Variants in EXT1 observed in about 807,000 individuals in gnomAD.
EXT1 encodes exostosin-1.
EXT1 carries 20 observed loss-of-function variants against 82.5 expected under a neutral mutation model. The ratio of observed to expected loss-of-function variants is 0.24; its 90% CI spans 0.17 to 0.35. The LOEUF is 0.35. Among genes scored for constraint, EXT1 ranks in the 10% least tolerant of loss-of-function variants. The probability of loss-of-function intolerance (pLI) is 1.00; values close to 1 mark genes in which losing one functional copy is unlikely to be tolerated. For missense variants in EXT1, 757 were observed against 936.5 expected (o/e 0.81, Z 2.50); for synonymous variants, 348 against 350.8 (o/e 0.99, Z 0.09).
intron 1 of EXT1, among the ~76,000 whole-genome samples, chr8:117,874,465 A>G (rs1367642831): frequency 6.6e-6 from 1 of 151,286 alleles, no homozygotes; most frequent in Non-Finnish European, 1.5e-5. Context: ...AATCCCAGCT[A>G]CTTGGGAGGC....
chr8:117,811,533 C>T (rs1379670371), intron 8 of EXT1, among the ~76,000 whole-genome samples: 1 of 152,032 alleles, frequency 6.6e-6, no homozygotes, highest in Non-Finnish European at 1.5e-5. Flanking sequence ...AGGTCCAGGA[C>T]ATTTTGTCCT....
intron 1 of EXT1, among the ~76,000 whole-genome samples, chr8:118,065,545 T>C (rs796376085): frequency 5.6e-4 from 85 of 152,320 alleles, no homozygotes; most frequent in African/African-American, 2.0e-3. Flanking sequence ...ATCAGAAATA[T>C]TTAAAAGTTT....
At position 117,980,851 on chromosome 8, in the gene EXT1, C is replaced by T. The variant is rs945683772; in HGVS notation, c.962+129234G>A. Among the ~76,000 whole-genome samples the T allele has an allele frequency of 4.6e-5, 7 of 152,180 alleles. No individual in the cohort carries two copies. In the South Asian group the frequency reaches 6.2e-4, roughly 14 times the overall value. On this transcript the variant is annotated intron_variant, in intron 1 of 10. Transcript: ENST00000378204. ...AACAAAAAGGCCAAGCCGCAGTCCC[C>T]GGCCACCAGGACAAACACACACTCC...
At chr8:118,039,393 C>T (rs1816485311) in intron 1 of EXT1, among the ~76,000 whole-genome samples, 1 of 151,944 alleles carries the variant, frequency 6.6e-6, no homozygotes, top group Non-Finnish European at 1.5e-5. Context: ...AACCCCGTCT[C>T]TACTAAAAAT....
chr8:118,078,122 C>T (rs1817243070), intron 1 of EXT1, among the ~76,000 whole-genome samples: 1 of 152,134 alleles, frequency 6.6e-6, no homozygotes. Flanking sequence ...CCTTTTCCAA[C>T]TCCTTTTTTA....
intron 1 of EXT1, among the ~76,000 whole-genome samples, chr8:118,102,333 C>A (rs1006383946): frequency 6.7e-6 from 1 of 150,240 alleles, no homozygotes; most frequent in African/African-American, 2.5e-5. Flanking sequence ...TCTGGTCCAA[C>A]CATGGGTTAG....
At chr8:118,051,771 C>T (rs1195275788) in intron 1 of EXT1, among the ~76,000 whole-genome samples, 5 of 152,002 alleles carry the variant, frequency 3.3e-5, no homozygotes, top group Admixed American at 1.3e-4. Context: ...CTAACAATAT[C>T]GTAAGATCAA....
At chr8:117,814,236 T>TGTGTGTGTGG (rs1811751678) in intron 7 of EXT1, among the ~76,000 whole-genome samples, 1 of 105,982 alleles carries the variant, frequency 9.4e-6, no homozygotes, top group Non-Finnish European at 1.9e-5. Context: ...CACACAGTGG[T>TGTGTGTGTGG]GTGTGTGTGT....
intron 1 of EXT1, among the ~76,000 whole-genome samples, chr8:117,933,439 T>G (rs1220227636): frequency 6.6e-6 from 1 of 151,916 alleles, no homozygotes; most frequent in Non-Finnish European, 1.5e-5. Flanking sequence ...AGAAACGGGG[T>G]TTCACCATGT....
At chr8:117,886,520 G>A (rs1200112890) in intron 1 of EXT1, among the ~76,000 whole-genome samples, 1 of 152,222 alleles carries the variant, frequency 6.6e-6, no homozygotes, top group Admixed American at 6.5e-5. Flanking sequence ...TGTTGACTTA[G>A]TAAATAGCTA....
chr8:117,905,583 C>T (rs1172447504), intron 1 of EXT1, among the ~76,000 whole-genome samples: 3 of 152,236 alleles, frequency 2.0e-5, no homozygotes, highest in African/African-American at 4.8e-5. Context: ...GAGGCCGAGG[C>T]GGGTGGATCA....
intron 1 of EXT1, among the ~76,000 whole-genome samples, chr8:118,091,851 A>C (rs1817532067): frequency 6.6e-6 from 1 of 152,204 alleles, no homozygotes; most frequent in African/African-American, 2.4e-5. Flanking sequence ...GTTATTACAA[A>C]AAAATTAAGT....
At chr8:118,061,003 C>CA (rs1054530681) in intron 1 of EXT1, among the ~76,000 whole-genome samples, 5 of 152,156 alleles carry the variant, frequency 3.3e-5, no homozygotes, top group Admixed American at 2.6e-4. Context: ...GATTTGCAGG[C>CA]AAAATGCCTG....
At chr8:117,837,718 A>G (rs1812210181) in intron 1 of EXT1, among the ~76,000 whole-genome samples, 1 of 152,186 alleles carries the variant, frequency 6.6e-6, no homozygotes, top group African/African-American at 2.4e-5. Flanking sequence ...GAGTTTCTAC[A>G]CTTAACCAAG....
At chr8:117,859,899 C>T (rs1190938229) in intron 1 of EXT1, among the ~76,000 whole-genome samples, 1 of 152,088 alleles carries the variant, frequency 6.6e-6, no homozygotes, top group Non-Finnish European at 1.5e-5. Flanking sequence ...GTAATCCCAG[C>T]ACTTTGGGAG....
chr8:118,031,164 T>C (rs769763103), intron 1 of EXT1, among the ~76,000 whole-genome samples: 7 of 152,124 alleles, frequency 4.6e-5, no homozygotes, highest in Non-Finnish European at 1.0e-4. Context: ...CTAAGTGCCA[T>C]TGAGTAAGAA....
chr8:117,919,737 C>T (rs1403263370), intron 1 of EXT1, among the ~76,000 whole-genome samples: 1 of 152,100 alleles, frequency 6.6e-6, no homozygotes, highest in African/African-American at 2.4e-5. Flanking sequence ...CTCCTGGGTT[C>T]AAGTGATCCT....
chr8:117,998,060 C>T (rs1232987698), intron 1 of EXT1, among the ~76,000 whole-genome samples: 4 of 146,596 alleles, frequency 2.7e-5, no homozygotes, highest in Admixed American at 2.1e-4. Flanking sequence ...TGTCACTAGG[C>T]TGGAGTGCAG....
chr8:118,085,077 T>C (rs1817393428), intron 1 of EXT1, among the ~76,000 whole-genome samples: 1 of 152,216 alleles, frequency 6.6e-6, no homozygotes, highest in African/African-American at 2.4e-5. Flanking sequence ...TCATACACCA[T>C]CAGGTACCAC....
Sources: allele counts gnomAD v4.1 joint callset (sites outside exome capture counted in the v4.1 genomes callset), GRCh38; gene constraint gnomAD v4.1.1; transcripts MANE v1.5; gene names NCBI Gene and HGNC (gene_info 2026-07-23, HGNC 2026-07-21).